The following SRGAP2 variants were observed in gnomAD, a reference collection of about 807,000 sequenced individuals.
SRGAP2 encodes the protein SLIT-ROBO Rho GTPase activating protein 2, also known as SLIT-ROBO Rho GTPase-activating protein 2.
A neutral mutation model predicts 57.2 loss-of-function variants in SRGAP2; 15 were observed. The observed-to-expected ratio is 0.26, with a 90% CI of 0.18 to 0.40. The LOEUF (loss-of-function observed/expected upper bound fraction) is 0.40. Ranked by LOEUF, SRGAP2 falls within the 10% of genes least tolerant of loss-of-function variation. SRGAP2 has a pLI of 1.00. For synonymous variants in SRGAP2, 249 were observed against 248.0 expected, an observed-to-expected ratio of 1.00 and a Z score of -0.04; for missense variants, 520 against 669.6, an observed-to-expected ratio of 0.78 and a Z score of 2.47.
intron 3 of SRGAP2, among the ~76,000 whole-genome samples, chr1:206,313,234 C>T: frequency 7.4e-6 from 1 of 135,506 alleles, no homozygotes. Flanking sequence ...GTTCTAAACT[C>T]TTAGAGGACA....
chr1:206,322,376 A>G (rs2102835996), intron 3 of SRGAP2, among the ~76,000 whole-genome samples: 1 of 148,332 alleles, frequency 6.7e-6, no homozygotes, highest in South Asian at 2.1e-4. Context: ...GATCAAGACC[A>G]TCCTGGCTAA....
At chr1:206,410,107 G>GATCA (rs1365025075) in intron 10 of SRGAP2, among the ~76,000 whole-genome samples, 5 of 152,022 alleles carry the variant, frequency 3.3e-5, no homozygotes, top group Non-Finnish European at 5.9e-5. Flanking sequence ...CATCTCAATC[G>GATCA]ATCAATCAAT....
At chr1:206,398,212 G>A (rs1553354300) in intron 7 of SRGAP2, among the ~76,000 whole-genome samples, 3 of 152,150 alleles carry the variant, frequency 2.0e-5, no homozygotes, top group Non-Finnish European at 4.4e-5. Flanking sequence ...TGTGCTTCCT[G>A]TACTTACTGG....
chr1:206,451,839 G>A (rs550618174), intron 19 of SRGAP2, among the ~76,000 whole-genome samples: 1 of 152,330 alleles, frequency 6.6e-6, no homozygotes, highest in African/African-American at 2.4e-5. Flanking sequence ...ACTAACTGAG[G>A]TGGGTATATT....
chr1:206,459,576 A>G (rs868978362), intron 22 of SRGAP2, among the ~76,000 whole-genome samples: 3 of 152,118 alleles, frequency 2.0e-5, no homozygotes, highest in Non-Finnish European at 4.4e-5. Flanking sequence ...GTTTTCCATG[A>G]AATATTAGAG....
rs1280904011 is a variant in SRGAP2 at position 206,304,171 on chromosome 1, T to A, written c.260+698T>A. ...CATTGCCCTAGTTTAGATCATCATC[T>A]TTTTTGCCTGAATGATTGCAGTATT... On this transcript the variant is annotated intron_variant, in intron 3 of 22. Coordinates refer to ENST00000573034, the MANE Select transcript of SRGAP2 (RefSeq NM_015326.5). Among the ~76,000 whole-genome samples, 1,261 of 150,110 alleles carry A rather than the reference T, an allele frequency of 8.4e-3. 12 individuals are homozygous for A. Among genetic ancestry groups the A allele is most frequent in the Middle Eastern group, 0.027 (8 of 292 alleles).
At chr1:206,389,044 C>A (rs71256371) in intron 5 of SRGAP2, among the ~76,000 whole-genome samples, 1 of 152,122 alleles carries the variant, frequency 6.6e-6, no homozygotes, top group Non-Finnish European at 1.5e-5. Flanking sequence ...CAGTATACCC[C>A]TATCCTCAGC....
intron 2 of SRGAP2, among the ~76,000 whole-genome samples, chr1:206,212,239 G>A (rs1666359361): frequency 6.8e-6 from 1 of 146,208 alleles, no homozygotes; most frequent in Non-Finnish European, 1.5e-5. Flanking sequence ...GATTGCAGTG[G>A]CTTGATCACG....
rs1664019909 is a variant in SRGAP2 at position 206,458,558 on chromosome 1, C to T, written c.2508-65C>T. On this transcript the variant is annotated intron_variant, in intron 21 of 22. Coordinates refer to ENST00000573034, the MANE Select transcript of SRGAP2 (RefSeq NM_015326.5). The stretch of plus-strand genomic sequence containing the variant: ...GGGTGCCAACATCTGCCCCCTCCCA[C>T]TTATCCTAGCTTCCTTGGAGCCAGG... 7.5e-6 allele frequency: 5 copies of T among 670,066 alleles called. No individual in the cohort carries two copies. The South Asian group carries it at 8.6e-5, about 12-fold the overall frequency. 41.5% of individuals were successfully genotyped at this position (670,066 alleles called of 1,614,324 possible).
intron 11 of SRGAP2, among the ~76,000 whole-genome samples, chr1:206,417,537 C>T (rs1271886750): frequency 6.6e-6 from 1 of 151,554 alleles, no homozygotes; most frequent in Non-Finnish European, 1.5e-5. Flanking sequence ...ACCACCTCAG[C>T]CTCCTGAATA....
At chr1:206,249,875 A>G (rs1421871811) in intron 2 of SRGAP2, among the ~76,000 whole-genome samples, 2 of 147,210 alleles carry the variant, frequency 1.4e-5, no homozygotes, top group East Asian at 4.0e-4. Context: ...CGTAAGCTCC[A>G]TAAGGGAAGG....
At chr1:206,332,819 A>G (rs2102880704) in intron 3 of SRGAP2, among the ~76,000 whole-genome samples, 1 of 152,052 alleles carries the variant, frequency 6.6e-6, no homozygotes, top group Non-Finnish European at 1.5e-5. Flanking sequence ...CGTCAAAATC[A>G]TTCTCCATCC....
chr1:206,358,054 G>C (rs1553339791), intron 4 of SRGAP2, among the ~76,000 whole-genome samples: 1 of 150,822 alleles, frequency 6.6e-6, no homozygotes, highest in African/African-American at 2.4e-5. Flanking sequence ...AGGAGAGAGG[G>C]TTTTTCCCCC....
intron 2 of SRGAP2, among the ~76,000 whole-genome samples, chr1:206,208,691 C>T (rs1165397147): frequency 1.6e-4 from 25 of 152,120 alleles, no homozygotes; most frequent in Non-Finnish European, 1.0e-4. Flanking sequence ...AGCTAGAAGC[C>T]CTGGGTCAGA....
intron 4 of SRGAP2, among the ~76,000 whole-genome samples, chr1:206,358,370 G>C (rs1676623372): frequency 6.7e-6 from 1 of 149,188 alleles, no homozygotes; most frequent in African/African-American, 2.6e-5. Context: ...CAGCTAGGGT[G>C]GTCTTTGCAA....
intron 14 of SRGAP2, among the ~76,000 whole-genome samples, chr1:206,436,754 C>T (rs1661796673): frequency 6.6e-6 from 1 of 152,192 alleles, no homozygotes; most frequent in Non-Finnish European, 1.5e-5. Flanking sequence ...GAGTCTCTAA[C>T]TTGGTGCTTT....
intron 3 of SRGAP2, among the ~76,000 whole-genome samples, chr1:206,319,298 C>T (rs1673293439): frequency 6.7e-6 from 1 of 148,384 alleles, no homozygotes; most frequent in African/African-American, 2.6e-5. Flanking sequence ...GTCGTCCCAC[C>T]TACTCAGGAG....
intron 2 of SRGAP2, among the ~76,000 whole-genome samples, chr1:206,257,336 TA>T (rs1553312621): frequency 1.1e-5 from 1 of 88,638 alleles, no homozygotes; most frequent in Non-Finnish European, 2.2e-5. Context: ...TACACACTGC[TA>T]TTTTTTTTTT....
chr1:206,332,636 T>C (rs1674449861), intron 3 of SRGAP2, among the ~76,000 whole-genome samples: 1 of 143,470 alleles, frequency 7.0e-6, no homozygotes, highest in South Asian at 2.1e-4. Context: ...CACGTAGTTC[T>C]CGAGCCTTGG....
Sources: gnomAD v4.1 joint callset for allele counts (sites outside exome capture counted in the v4.1 genomes callset) on GRCh38, gnomAD v4.1.1 for gene constraint, MANE v1.5 for transcripts, NCBI Gene and HGNC (gene_info 2026-07-23, HGNC 2026-07-21) for gene names.